Variants in LRP1B observed in about 807,000 individuals in gnomAD.
The protein encoded by LRP1B is LDL receptor related protein 1B, also known as low-density lipoprotein receptor-related protein 1B.
A neutral mutation model predicts 556.6 loss-of-function variants in LRP1B; 217 were observed. The observed-to-expected ratio is 0.39, with a 90% CI of 0.35 to 0.44. The LOEUF is 0.44. Ranked by LOEUF, LRP1B falls within the 20% of genes least tolerant of loss-of-function variation. The probability of loss-of-function intolerance (pLI) is 1.00; values close to 1 mark genes in which losing one functional copy is unlikely to be tolerated. For synonymous variants in LRP1B, 2,047 were observed against 1,865.8 expected (o/e 1.10, Z -2.50); for missense variants, 5,053 against 5,620.8 (o/e 0.90, Z 3.23).
intron 32 of LRP1B, among the ~76,000 whole-genome samples, chr2:140,785,478 A>G (rs1689863400): frequency 6.6e-6 from 1 of 152,200 alleles, no homozygotes; most frequent in Non-Finnish European, 1.5e-5. Flanking sequence ...TTAAGGGGAC[A>G]GCCATATTTT....
At chr2:141,796,599 T>G (rs1695821116) in intron 2 of LRP1B, among the ~76,000 whole-genome samples, 1 of 138,846 alleles carries the variant, frequency 7.2e-6, no homozygotes, top group Non-Finnish European at 1.6e-5. Flanking sequence ...TTTTTTTGGC[T>G]TTGTATGACA....
intron 7 of LRP1B, among the ~76,000 whole-genome samples, chr2:141,108,238 C>T (rs1468540408): frequency 7.9e-5 from 12 of 151,112 alleles, no homozygotes; most frequent in Non-Finnish European, 1.6e-4. Context: ...TCTCCAATAA[C>T]CAGGAAAACT....
rs546907947 is a variant in LRP1B, at chr2:140,903,540, T to C, written c.3521-375A>G. Among the ~76,000 whole-genome samples, 162 of 152,188 alleles carry C rather than the reference T, an allele frequency of 1.1e-3. 1 individual carries two copies. The highest frequency in any genetic ancestry group is 1.9e-3 in the Non-Finnish European group (129 of 67,998). On this transcript the variant is annotated intron_variant, in intron 22 of 90. Transcript: ENST00000389484. ...TTGTAGAGGTCTTCCAAAAAAGATG[T>C]ACATACCATGATGATCTTAATATTA...
chr2:140,911,391 G>T (rs1324330964), intron 21 of LRP1B, among the ~76,000 whole-genome samples: 1 of 151,640 alleles, frequency 6.6e-6, no homozygotes, highest in African/African-American at 2.4e-5. Context: ...GAATACTCTT[G>T]TGCTGCTTTA....
intron 7 of LRP1B, among the ~76,000 whole-genome samples, chr2:141,170,782 A>T (rs1019555303): frequency 1.3e-5 from 2 of 152,160 alleles, no homozygotes; most frequent in African/African-American, 4.8e-5. Flanking sequence ...GGCAAGAAAG[A>T]AACAGGCTCA....
At chr2:140,950,518 C>T in intron 19 of LRP1B, 116 bp from the exon 20 acceptor site, 1 of 803,270 alleles carries the variant, frequency 1.2e-6, no homozygotes, top group East Asian at 2.9e-5. Context: ...GAGTCTTGCT[C>T]TGTCACCCAA....
chr2:140,519,906 G>C (rs376240627), intron 49 of LRP1B, among the ~76,000 whole-genome samples: 8 of 152,098 alleles, frequency 5.3e-5, no homozygotes, highest in African/African-American at 1.9e-4. Context: ...AATCAAAACC[G>C]CAATGAGATA....
chr2:141,725,052 A>G lies in LRP1B; in HGVS notation c.205+85227T>C, dbSNP rs193252014. 4.1e-3 allele frequency among the ~76,000 whole-genome samples: 626 copies of G among 152,058 alleles called. 6 individuals are homozygous for G. Among genetic ancestry groups the G allele is most frequent in the Non-Finnish European group, 6.7e-3 (453 of 67,856 alleles). ...ATTAAAATTAAGTTAAATTTAGTGT[A>G]AGAAAAATATAATTATAAGGGCAAT... is the stretch of plus-strand genomic sequence containing the variant. On this transcript the variant is annotated intron_variant, in intron 2 of 90. Transcript: ENST00000389484.
chr2:140,886,187 T>C lies in LRP1B; in HGVS notation c.3915A>G (p.Thr1305=). The change falls in exon 24 of 91, where the codon ACA becomes ACG. Residue 1305 remains threonine, a synonymous_variant. Coordinates refer to ENST00000389484, the MANE Select transcript of LRP1B (RefSeq NM_018557.3). The part of the protein sequence containing the change: ...FHFNQSLLYW[T]DVVEDRIYRG... ...GGTATATTCTGTCTTCTACAACATC[T>C]GTCCAATAAAGTAAACTTTGATTGA... The C allele has an allele frequency of 6.2e-7, 1 of 1,611,268 alleles. No individual in the cohort carries two copies.
chr2:140,256,593 T>A (rs1681703564), intron 86 of LRP1B, among the ~76,000 whole-genome samples: 1 of 149,874 alleles, frequency 6.7e-6, no homozygotes. Flanking sequence ...CTCAGACTCC[T>A]GAGTAGCTGG....
At position 140,453,495 on chromosome 2, in the gene LRP1B, G is replaced by GT. The variant is rs1686964937; in HGVS notation, c.9964-2835dup. ...GACTAATATCATCATAAAATAAACT[G>GT]TAGACTGTAATTATCACCCACAAGT... is the stretch of plus-strand genomic sequence containing the variant. On this transcript the variant is annotated intron_variant, in intron 62 of 90. Transcript: ENST00000389484. 2.6e-5 allele frequency among the ~76,000 whole-genome samples: 4 copies of GT among 152,012 alleles called. No homozygotes were observed. In the South Asian group the frequency reaches 8.3e-4, roughly 32 times the overall value.
chr2:140,244,085 C>G (rs927481543), intron 87 of LRP1B, among the ~76,000 whole-genome samples: 9 of 151,250 alleles, frequency 6.0e-5, no homozygotes, highest in Non-Finnish European at 1.0e-4. Context: ...GTCTGCCTTC[C>G]TCACTGACCT....
At chr2:140,567,993 G>A (rs775364753) in intron 43 of LRP1B, among the ~76,000 whole-genome samples, 2 of 151,846 alleles carry the variant, frequency 1.3e-5, no homozygotes, top group Non-Finnish European at 2.9e-5. Context: ...TCTCTGTAAC[G>A]CCCACACCAT....
intron 2 of LRP1B, among the ~76,000 whole-genome samples, chr2:141,771,879 T>C (rs183297889): frequency 4.6e-5 from 7 of 152,190 alleles, no homozygotes; most frequent in Admixed American, 2.6e-4. Context: ...AGTGCAGTGG[T>C]GCGTTCTCGG....
intron 49 of LRP1B, among the ~76,000 whole-genome samples, chr2:140,525,166 C>G (rs1359310022): frequency 6.6e-6 from 1 of 151,564 alleles, no homozygotes; most frequent in East Asian, 1.9e-4. Context: ...GAGAGGCAAA[C>G]CAATATGAGA....
chr2:141,309,805 C>G (rs1164521701), intron 3 of LRP1B, among the ~76,000 whole-genome samples: 5 of 151,908 alleles, frequency 3.3e-5, no homozygotes, highest in Non-Finnish European at 7.4e-5. Flanking sequence ...AACAAACCTG[C>G]ACGTTCTGCA....
chr2:140,536,687 A>G lies in LRP1B; in HGVS notation c.7536T>C (p.Ala2512=), dbSNP rs1410835008. 3 of 1,605,110 alleles carry G rather than the reference A, an allele frequency of 1.9e-6. No individual in the cohort carries two copies. Among genetic ancestry groups the G allele is most frequent in the Non-Finnish European group, 2.5e-6 (3 of 1,176,796 alleles). Residue 2512 remains alanine (A), a synonymous_variant, in exon 46 of 91, where the codon GCT becomes GCC. Coordinates refer to ENST00000389484, the MANE Select transcript of LRP1B (RefSeq NM_018557.3). ...CATTTCCACATTCAAACTCCGAATA[A>G]GCGTTGCAGGAGGAATTTTTAGCTG... ...RCVTKNSSCN[A]YSEFECGNGE... is the part of the protein sequence containing the mutation.
At chr2:141,110,945 T>G (rs1700735663) in intron 7 of LRP1B, among the ~76,000 whole-genome samples, 1 of 152,132 alleles carries the variant, frequency 6.6e-6, no homozygotes, top group Admixed American at 6.5e-5. Flanking sequence ...TTTTAAAAGT[T>G]TACATATCAA....
At chr2:141,196,309 A>C (rs1681749248) in intron 6 of LRP1B, among the ~76,000 whole-genome samples, 1 of 152,028 alleles carries the variant, frequency 6.6e-6, no homozygotes, top group South Asian at 2.1e-4. Flanking sequence ...ATTCTCTATA[A>C]GACGTTTCTA....
Sources: allele counts gnomAD v4.1 joint callset (sites outside exome capture counted in the v4.1 genomes callset), GRCh38; gene constraint gnomAD v4.1.1; transcripts MANE v1.5; gene names NCBI Gene and HGNC (gene_info 2026-07-23, HGNC 2026-07-21).